Variants in TRPM6 observed in about 807,000 individuals in gnomAD.
The protein encoded by TRPM6 is channel kinase 2.
In TRPM6, 111 loss-of-function variants were observed where a neutral mutation model predicts 247.6. That is an observed-to-expected ratio of 0.45 (90% CI 0.38 to 0.52). The LOEUF (loss-of-function observed/expected upper bound fraction) is 0.52. TRPM6 is among the 20% of genes least tolerant of loss of function. The pLI, the probability that TRPM6 is intolerant of heterozygous loss-of-function variation, is 0.00. For missense variants in TRPM6, 2,126 were observed against 2,421.5 expected (o/e 0.88, Z 2.56); for synonymous variants, 892 against 853.8 (o/e 1.04, Z -0.78).
intron 19 of TRPM6, among the ~76,000 whole-genome samples, chr9:74,789,876 T>C (rs1827836201): frequency 6.8e-6 from 1 of 146,964 alleles, no homozygotes; most frequent in South Asian, 2.1e-4. Context: ...CAAGAGCATC[T>C]CTTGAACCCA....
intron 29 of TRPM6, 58 bp from the exon 30 acceptor site, chr9:74,750,780 C>T (rs1826218999): frequency 1.3e-6 from 2 of 1,492,156 alleles, no homozygotes; most frequent in Admixed American, 3.3e-5. Context: ...CCCCAAGTTT[C>T]TAGGAATGAT....
At chr9:74,777,137 G>A (rs184793553) in intron 23 of TRPM6, among the ~76,000 whole-genome samples, 1 of 152,316 alleles carries the variant, frequency 6.6e-6, no homozygotes, top group East Asian at 1.9e-4. Context: ...AGCATCACCT[G>A]AGAACATGTC....
intron 7 of TRPM6, among the ~76,000 whole-genome samples, chr9:74,822,933 G>A (rs1443890659): frequency 6.6e-6 from 1 of 152,188 alleles, no homozygotes; most frequent in East Asian, 1.9e-4. Flanking sequence ...AATTCTGGAA[G>A]GATACACATC....
At chr9:74,725,858 C>A (rs1825301058) in intron 38 of TRPM6, among the ~76,000 whole-genome samples, 1 of 152,176 alleles carries the variant, frequency 6.6e-6, no homozygotes, top group South Asian at 2.1e-4. Context: ...TCAATCTTCA[C>A]ACAAACTTTA....
chr9:74,848,162 C>G (rs896622702), intron 3 of TRPM6, among the ~76,000 whole-genome samples: 1 of 152,186 alleles, frequency 6.6e-6, no homozygotes, highest in African/African-American at 2.4e-5. Context: ...TCTTAGCAAC[C>G]TCAGCTAACT....
In TRPM6 at chr9:74,817,835, G is replaced by A. The variant is rs192612288; in HGVS notation, c.1135-871C>T. Among the ~76,000 whole-genome samples the A allele has an allele frequency of 6.6e-5, 10 of 152,248 alleles. No individual in the cohort carries two copies. In the East Asian group the frequency reaches 1.5e-3, roughly 23 times the overall value. On this transcript the variant is annotated intron_variant, in intron 9 of 38. Coordinates refer to ENST00000360774, the MANE Select transcript of TRPM6 (RefSeq NM_017662.5). ...TAGAAGGAGCTATTTTAATGAAAAA[G>A]CCAAGATTGGCAAGACCTAGTCCCA...
chr9:74,741,349 A>ATT (rs1825857687), intron 33 of TRPM6, among the ~76,000 whole-genome samples: 1 of 152,010 alleles, frequency 6.6e-6, no homozygotes, highest in African/African-American at 2.4e-5. Flanking sequence ...ATATATATAT[A>ATT]TGAACACGGT....
At chr9:74,819,758 T>C (rs968126826) in intron 9 of TRPM6, among the ~76,000 whole-genome samples, 5 of 152,204 alleles carry the variant, frequency 3.3e-5, no homozygotes, top group African/African-American at 1.2e-4. Context: ...GACATGGAGC[T>C]GTTCCTTTAC....
At chr9:74,824,488 C>A (rs1227984412) in intron 7 of TRPM6, among the ~76,000 whole-genome samples, 2 of 60,336 alleles carry the variant, frequency 3.3e-5, no homozygotes, top group African/African-American at 4.4e-5. Context: ...CCCACAAAAT[C>A]AAATATATTT....
rs1203896248 is a variant in TRPM6, at chr9:74,857,145, A to C, written c.113+1524T>G. ...TCACCACCACATGATGTCATAAAAA[A>C]TGAAGGGGAAAAACAAGGTTATCTT... is the stretch of plus-strand genomic sequence containing the variant. On this transcript the variant is annotated intron_variant, in intron 2 of 38. Coordinates refer to ENST00000360774, the MANE Select transcript of TRPM6 (RefSeq NM_017662.5). Among the ~76,000 whole-genome samples the C allele has an allele frequency of 4.6e-5, 7 of 152,348 alleles. No homozygotes were observed. In the East Asian group the frequency reaches 1.3e-3, roughly 29 times the overall value.
chr9:74,776,070 A>C lies in TRPM6; in HGVS notation c.3216T>G (p.Val1072=). ...TTGAAATGGATTCCATATCTAAGTA[A>C]ACGTTGCTGTAAGATGAAGTAAGAG... ...VNLLIAFFNN[V]YLDMESISNN... Residue 1072 remains valine, a synonymous_variant, in exon 24 of 39, where the codon GTT becomes GTG. Coordinates refer to ENST00000360774, the MANE Select transcript of TRPM6 (RefSeq NM_017662.5). 1 of 1,613,366 alleles carries C rather than the reference A, an allele frequency of 6.2e-7. No individual in the cohort carries two copies. The highest frequency in any genetic ancestry group is 8.5e-7 in the Non-Finnish European group (1 of 1,179,392).
At chr9:74,759,507 C>T (rs955279436) in intron 27 of TRPM6, among the ~76,000 whole-genome samples, 1 of 151,776 alleles carries the variant, frequency 6.6e-6, no homozygotes, top group Admixed American at 6.6e-5. Context: ...TGGTCAAGAA[C>T]AGAATTGAAA....
chr9:74,766,737 C>G (rs1826839093), intron 25 of TRPM6, among the ~76,000 whole-genome samples: 1 of 151,650 alleles, frequency 6.6e-6, no homozygotes, highest in Non-Finnish European at 1.5e-5. Flanking sequence ...ATGGTGAAAC[C>G]CCATCTCTAC....
chr9:74,806,280 T>C (rs544402628), intron 14 of TRPM6, among the ~76,000 whole-genome samples: 1 of 131,052 alleles, frequency 7.6e-6, no homozygotes, highest in Non-Finnish European at 1.5e-5. Flanking sequence ...AAATTTATTG[T>C]ATTTATTTAT....
rs541156098 is a variant in TRPM6, at chr9:74,828,685, G to GT, written c.670-737dup. ...GCTCTATTGCCCAGGCTGGAGTGCAGTGGCATGATCTCAGCTCACTGCAAC... is the reference window on the plus strand; with the variant it reads ...GCTCTATTGCCCAGGCTGGAGTGCAGTTGGCATGATCTCAGCTCACTGCAAC... On this transcript the variant is annotated intron_variant, in intron 6 of 38. Coordinates refer to ENST00000360774, the MANE Select transcript of TRPM6 (RefSeq NM_017662.5). 1.7e-3 allele frequency among the ~76,000 whole-genome samples: 257 copies of GT among 147,998 alleles called. 1 individual carries two copies. Among genetic ancestry groups the GT allele is most frequent in the African/African-American group, 6.2e-3 (249 of 39,942 alleles).
intron 27 of TRPM6, among the ~76,000 whole-genome samples, chr9:74,756,984 G>A (rs1826448693): frequency 6.6e-6 from 1 of 151,988 alleles, no homozygotes; most frequent in Admixed American, 6.6e-5. Flanking sequence ...ATCACCTGAG[G>A]TCAGGAGTTC....
At chr9:74,789,126 T>A (rs1307890015) in intron 19 of TRPM6, among the ~76,000 whole-genome samples, 1 of 152,202 alleles carries the variant, frequency 6.6e-6, no homozygotes, top group Non-Finnish European at 1.5e-5. Context: ...GTGTGAAGCA[T>A]GCCAGATCCG....
chr9:74,840,874 A>C (rs1403369481), intron 4 of TRPM6, among the ~76,000 whole-genome samples: 1 of 151,866 alleles, frequency 6.6e-6, no homozygotes, highest in Admixed American at 6.6e-5. Flanking sequence ...GAAAAGAAAA[A>C]GAAATATTTC....
chr9:74,802,002 C>G lies in TRPM6; in HGVS notation c.1905G>C (p.Thr635=), dbSNP rs375605511. ...GGATACACGCAATCACGGCTTTAACCGTGGCCTCCTCTCCATGCTGCCAGA... is the reference window on the plus strand; with the variant it reads ...GGATACACGCAATCACGGCTTTAACGGTGGCCTCCTCTCCATGCTGCCAGA... ...MFFWQHGEEA[T]VKAVIACILY... is the part of the protein sequence containing the mutation. Residue 635 remains threonine (T), a synonymous_variant, in exon 16 of 39, where the codon ACG becomes ACC. Coordinates refer to ENST00000360774, the MANE Select transcript of TRPM6 (RefSeq NM_017662.5). 1.9e-6 allele frequency: 3 copies of G among 1,614,078 alleles called. No individual in the cohort carries two copies. The highest frequency in any genetic ancestry group is 2.2e-5 in the East Asian group (1 of 44,882).
Sources: gnomAD v4.1 joint callset for allele counts (sites outside exome capture counted in the v4.1 genomes callset) on GRCh38, gnomAD v4.1.1 for gene constraint, MANE v1.5 for transcripts, NCBI Gene and HGNC (gene_info 2026-07-23, HGNC 2026-07-21) for gene names.